The following NCAPG2 variants were observed in gnomAD, a reference collection of about 807,000 sequenced individuals.
NCAPG2 encodes condensin-2 complex subunit G2.
A neutral mutation model predicts 141.1 loss-of-function variants in NCAPG2; 53 were observed. The observed-to-expected ratio is 0.38, with a 90% CI of 0.30 to 0.47. The LOEUF is 0.47. NCAPG2 is among the 20% of genes least tolerant of loss of function. The pLI is 0.99. For missense variants in NCAPG2, 1,087 were observed against 1,389.0 expected, an observed-to-expected ratio of 0.78 and a Z score of 3.46; for synonymous variants, 499 against 490.7, an observed-to-expected ratio of 1.02 and a Z score of -0.22.
At chr7:158,681,050 G>A (rs931815925) in intron 9 of NCAPG2, among the ~76,000 whole-genome samples, 1 of 152,112 alleles carries the variant, frequency 6.6e-6, no homozygotes, top group Non-Finnish European at 1.5e-5. Flanking sequence ...AAGATTAATG[G>A]CCTTGGGCTA....
intron 27 of NCAPG2, among the ~76,000 whole-genome samples, chr7:158,639,110 GA>G (rs1830472029): frequency 6.6e-6 from 1 of 151,782 alleles, no homozygotes; most frequent in Admixed American, 6.6e-5. Flanking sequence ...GGTGGTGACT[GA>G]ATTTTTTTTT....
At chr7:158,638,197 C>T (rs1056592083) in intron 27 of NCAPG2, among the ~76,000 whole-genome samples, 2 of 152,094 alleles carry the variant, frequency 1.3e-5, no homozygotes, top group Non-Finnish European at 2.9e-5. Context: ...CGAATCACTG[C>T]GTGGTTTTGG....
intron 13 of NCAPG2, among the ~76,000 whole-genome samples, chr7:158,666,660 C>T (rs1832965469): frequency 6.6e-6 from 1 of 151,774 alleles, no homozygotes; most frequent in Admixed American, 6.6e-5. Flanking sequence ...GGCACAGTGG[C>T]TCCCGCCTGT....
chr7:158,659,927 C>T (rs566190282), intron 16 of NCAPG2, among the ~76,000 whole-genome samples: 5 of 151,974 alleles, frequency 3.3e-5, no homozygotes, highest in South Asian at 4.2e-4. Flanking sequence ...CTGGCTAACA[C>T]GGTGAAACCA....
chr7:158,688,612 C>T (rs541161363), intron 6 of NCAPG2, among the ~76,000 whole-genome samples: 2 of 152,324 alleles, frequency 1.3e-5, no homozygotes, highest in African/African-American at 4.8e-5. Context: ...GGTTCTTATC[C>T]ACCAGCGCCT....
intron 2 of NCAPG2, among the ~76,000 whole-genome samples, chr7:158,700,633 A>AT (rs1835720157): frequency 6.6e-6 from 1 of 152,212 alleles, no homozygotes. Flanking sequence ...GTTTGCGATT[A>AT]TTTTTAAGTT....
intron 16 of NCAPG2, among the ~76,000 whole-genome samples, chr7:158,661,665 A>G (rs1028623786): frequency 2.0e-4 from 30 of 152,222 alleles, no homozygotes; most frequent in Admixed American, 1.8e-3. Flanking sequence ...CAATGTGTAC[A>G]TATTTCAAAA....
chr7:158,680,566 A>G (rs1412726623), intron 10 of NCAPG2, among the ~76,000 whole-genome samples, 155 bp downstream of exon 10: 1 of 152,258 alleles, frequency 6.6e-6, no homozygotes, highest in African/African-American at 2.4e-5. Flanking sequence ...AAATGCTTTT[A>G]ATAAAAGAAA....
intron 4 of NCAPG2, 60 bp downstream of exon 4, chr7:158,692,781 AC>A: frequency 9.8e-7 from 1 of 1,018,840 alleles, no homozygotes; most frequent in Non-Finnish European, 1.5e-6. Context: ...AAAAACAGAA[AC>A]AAAAACAAGT....
intron 16 of NCAPG2, among the ~76,000 whole-genome samples, chr7:158,660,575 C>T (rs1171649910): frequency 1.3e-5 from 2 of 151,940 alleles, no homozygotes; most frequent in East Asian, 3.9e-4. Context: ...GGCCATCAAG[C>T]CCAGCTAATT....
intron 21 of NCAPG2, 42 bp downstream of exon 21, chr7:158,655,076 A>G (rs541011056): frequency 2.6e-6 from 4 of 1,550,896 alleles, no homozygotes; most frequent in Admixed American, 2.1e-5. Context: ...AACATAACAA[A>G]CTTGGTAAAG....
chr7:158,672,706 C>T (rs914492649), intron 12 of NCAPG2, among the ~76,000 whole-genome samples: 2 of 152,064 alleles, frequency 1.3e-5, no homozygotes, highest in Admixed American at 1.3e-4. Flanking sequence ...TCTTCCAAAG[C>T]ACTCAAGGGC....
intron 2 of NCAPG2, chr7:158,696,516 A>T (rs891888326): frequency 6.6e-6 from 1 of 151,678 alleles, no homozygotes. Context: ...AAATGTTTAG[A>T]GATAAAGAGG....
intron 27 of NCAPG2, chr7:158,639,980 GAAGA>G (rs1830522823): frequency 5.8e-6 from 2 of 343,920 alleles, no homozygotes; most frequent in African/African-American, 2.7e-5. Flanking sequence ...GAAAGGAACA[GAAGA>G]AATATTCAGA....
intron 11 of NCAPG2, among the ~76,000 whole-genome samples, chr7:158,678,174 G>A (rs1395070044): frequency 4.0e-5 from 6 of 151,836 alleles, no homozygotes; most frequent in Non-Finnish European, 4.4e-5. Flanking sequence ...CAAAAAGCAT[G>A]AGAGAACAGT....
At chr7:158,698,668 A>G (rs1481081931) in intron 2 of NCAPG2, among the ~76,000 whole-genome samples, 1 of 152,130 alleles carries the variant, frequency 6.6e-6, no homozygotes. Flanking sequence ...CTCAGAACCT[A>G]TCCTCATCAA....
rs751384543 is a variant in NCAPG2, at chr7:158,631,643, C to T, written c.*23G>A. 1 of 1,554,820 alleles carries T rather than the reference C, an allele frequency of 6.4e-7. No individual in the cohort carries two copies. The highest frequency in any genetic ancestry group is 1.1e-5 in the South Asian group (1 of 88,848). On this transcript the variant is annotated 3_prime_UTR_variant, in exon 28 of 28. Coordinates refer to ENST00000356309, the MANE Select transcript of NCAPG2 (RefSeq NM_017760.7). ...TTTGAATCACTTTTCCCTATTTTTA[C>T]ATGTCTGGAGATGTTGGCTTGGTTA...
chr7:158,690,075 T>C, intron 5 of NCAPG2, 122 bp from the exon 6 acceptor site: 2 of 987,450 alleles, frequency 2.0e-6, no homozygotes, highest in South Asian at 3.5e-5. Flanking sequence ...GATTAAAAAA[T>C]AACGACAAAT....
chr7:158,675,262 C>A (rs773080637), intron 12 of NCAPG2, among the ~76,000 whole-genome samples: 1 of 152,214 alleles, frequency 6.6e-6, no homozygotes, highest in Non-Finnish European at 1.5e-5. Context: ...CCCTTCCCCC[C>A]TTACACTAAA....
Sources: allele counts gnomAD v4.1 joint callset (sites outside exome capture counted in the v4.1 genomes callset), GRCh38; gene constraint gnomAD v4.1.1; transcripts MANE v1.5; gene names NCBI Gene and HGNC (gene_info 2026-07-23, HGNC 2026-07-21).